DCUN1D5: variants seen among roughly 807,000 people sequenced by gnomAD.
DCUN1D5 encodes DCN1-like protein 5.
Under a neutral mutation model 38.3 loss-of-function variants are expected in DCUN1D5, and 10 were observed. The observed-to-expected ratio is 0.26, with a 90% CI of 0.16 to 0.44. DCUN1D5 has a LOEUF of 0.44. DCUN1D5 is among the 20% of genes least tolerant of loss of function. The probability of loss-of-function intolerance (pLI) is 1.00; values close to 1 mark genes in which losing one functional copy is unlikely to be tolerated. For missense variants in DCUN1D5, 148 were observed against 275.3 expected (o/e 0.54, Z 3.27); for synonymous variants, 93 against 90.9 (o/e 1.02, Z -0.13).
In DCUN1D5 at chr11:103,083,028, AAC is replaced by A. The variant is rs1478640010; in HGVS notation, c.250-191_250-190del. On this transcript the variant is annotated intron_variant, in intron 3 of 7. Transcript: ENST00000260247. The surrounding 1 kb of genome is among the most constrained non-coding windows in gnomAD (Gnocchi z 4.4). ...CAATTTCTTAAAAGTAAAAAGTTCT[AAC>A]AGTTTCTGAAGGTAGAATCTCTTAT... Among the ~76,000 whole-genome samples, 2 of 152,058 alleles carry A rather than the reference AAC, an allele frequency of 1.3e-5. No homozygotes were observed. The highest frequency in any genetic ancestry group is 2.4e-5 in the African/African-American group (1 of 41,460).
In DCUN1D5 at chr11:103,062,455, T is replaced by G; in HGVS notation, c.659-41A>C. The stretch of plus-strand genomic sequence containing the variant: ...CCATTTTTGTCAGAATTCAGTGAAC[T>G]CATCTCTCCAATTATAAAACAAACT... On this transcript the variant is annotated intron_variant, in intron 7 of 7. Coordinates refer to ENST00000260247, the MANE Select transcript of DCUN1D5 (RefSeq NM_032299.4). This position sits in a 1 kb window ranked among gnomAD's most constrained non-coding sequence, Gnocchi z 4.6. The G allele has an allele frequency of 6.4e-7, 1 of 1,564,078 alleles. No homozygotes were observed. Among genetic ancestry groups the G allele is most frequent in the Non-Finnish European group, 8.8e-7 (1 of 1,138,956 alleles).
rs1484105963 is a variant in DCUN1D5 at position 103,065,575 on chromosome 11, G to T, written c.555+694C>A. Among the ~76,000 whole-genome samples the T allele has an allele frequency of 6.6e-6, 1 of 151,726 alleles. No homozygotes were observed. Among genetic ancestry groups the T allele is most frequent in the Non-Finnish European group, 1.5e-5 (1 of 67,960 alleles). ...AAAGCATCTGTATTCAAGATATGGT[G>T]AGAACTATACCAATAACCCTAGAAT... is the stretch of plus-strand genomic sequence containing the variant. On this transcript the variant is annotated intron_variant, in intron 6 of 7. Coordinates refer to ENST00000260247, the MANE Select transcript of DCUN1D5 (RefSeq NM_032299.4). The surrounding 1 kb of genome is among the most constrained non-coding windows in gnomAD (Gnocchi z 4.6).
chr11:103,083,619 A>G lies in DCUN1D5; in HGVS notation c.179-293T>C, dbSNP rs974335301. On this transcript the variant is annotated intron_variant, in intron 2 of 7. Transcript: ENST00000260247. The surrounding 1 kb of genome is among the most constrained non-coding windows in gnomAD (Gnocchi z 4.4). ...GTACAAAAACTCAAACCAATCCATT[A>G]AAAAAAAAATTCACTGAGAGCCTAC... Among the ~76,000 whole-genome samples the G allele has an allele frequency of 3.4e-5, 5 of 149,010 alleles. No homozygotes were observed. Among genetic ancestry groups the G allele is most frequent in the Non-Finnish European group, 6.0e-5 (4 of 67,006 alleles).
chr11:103,079,423 T>G (rs1862495893), intron 4 of DCUN1D5, among the ~76,000 whole-genome samples: 1 of 152,182 alleles, frequency 6.6e-6, no homozygotes, highest in Non-Finnish European at 1.5e-5. Flanking sequence ...CTAATATAAA[T>G]ATCTACAAAA....
In DCUN1D5 at chr11:103,078,197, T is replaced by C. The variant is rs115330226; in HGVS notation, c.341+4551A>G. Among the ~76,000 whole-genome samples, 697 of 152,320 alleles carry C rather than the reference T, an allele frequency of 4.6e-3. 5 individuals carry two copies. The highest frequency in any genetic ancestry group is 0.016 in the African/African-American group (647 of 41,576). ...TCTTGTCTTGTCCTTTTCATTATCATAATCAAGTACGGTCCTCTTCAAAGG... is the reference window on the plus strand; with the variant it reads ...TCTTGTCTTGTCCTTTTCATTATCACAATCAAGTACGGTCCTCTTCAAAGG... On this transcript the variant is annotated intron_variant, in intron 4 of 7. Transcript: ENST00000260247. The surrounding 1 kb of genome is among the most constrained non-coding windows in gnomAD (Gnocchi z 4.6).
Position 103,054,235 on chromosome 11 carries a change from T to A in DCUN1D5, c.*8124A>T, listed in dbSNP as rs895507974. 1.3e-5 allele frequency: 2 copies of A among 152,046 alleles called. No individual in the cohort carries two copies. The highest frequency in any genetic ancestry group is 2.4e-5 in the African/African-American group (1 of 41,414). 9.4% of individuals were successfully genotyped at this position (152,046 alleles called of 1,614,324 possible). A position where few individuals can be genotyped will look rare whatever the true frequency, so the allele number is the denominator to read the frequency against. ...GCTGCCAATAACTGCTCTTGAGGAATGGGGTTAAAGTCTGCTTGAAGAAGT... is the reference window on the plus strand; with the variant it reads ...GCTGCCAATAACTGCTCTTGAGGAAAGGGGTTAAAGTCTGCTTGAAGAAGT... On this transcript the variant is annotated 3_prime_UTR_variant, in exon 8 of 8. Transcript: ENST00000260247.
rs926252484 is a variant in DCUN1D5, at chr11:103,050,690, A to T, written c.*11669T>A. On this transcript the variant is annotated 3_prime_UTR_variant, in exon 8 of 8. Coordinates refer to ENST00000260247, the MANE Select transcript of DCUN1D5 (RefSeq NM_032299.4). ...TACACAAAAGATTACTGGACATCTTATACAAGTGAAATCATTTATTTATCT... is the reference window on the plus strand; with the variant it reads ...TACACAAAAGATTACTGGACATCTTTTACAAGTGAAATCATTTATTTATCT... 6.6e-6 allele frequency: 1 copy of T among 152,260 alleles called. No individual in the cohort carries two copies. 9.4% of individuals were successfully genotyped at this position (152,260 alleles called of 1,614,324 possible).
At position 103,066,897 on chromosome 11, in the gene DCUN1D5, C is replaced by A. The variant is rs528270883; in HGVS notation, c.342-330G>T. 1.3e-5 allele frequency among the ~76,000 whole-genome samples: 2 copies of A among 152,314 alleles called. No individual in the cohort carries two copies. The highest frequency in any genetic ancestry group is 3.9e-4 in the East Asian group (2 of 5,188). On this transcript the variant is annotated intron_variant, in intron 4 of 7. Coordinates refer to ENST00000260247, the MANE Select transcript of DCUN1D5 (RefSeq NM_032299.4). This position sits in a 1 kb window ranked among gnomAD's most constrained non-coding sequence, Gnocchi z 4.7. ...AGATGTATTAAAACATGTTTTATCA[C>A]ATATACAGCTAAAAATGGCAGAGCA... is the stretch of plus-strand genomic sequence containing the variant.
intron 4 of DCUN1D5, among the ~76,000 whole-genome samples, chr11:103,082,391 C>T (rs1862588149): frequency 6.6e-6 from 1 of 152,002 alleles, no homozygotes; most frequent in African/African-American, 2.4e-5. Context: ...CTTAGGGCTG[C>T]CCAACGAACA....
rs566438963 is a variant in DCUN1D5, at chr11:103,052,632, C to T, written c.*9727G>A. The T allele has an allele frequency of 6.6e-6, 1 of 152,144 alleles. No individual in the cohort carries two copies. The allele number at this position is 152,144 out of a possible 1,614,324, so 9.4% of individuals were successfully genotyped here. ...CTTCATTCTTGTATCTACTCCAAGT[C>T]TCTCTTGGTAGTTCTTACATATCAT... On this transcript the variant is annotated 3_prime_UTR_variant, in exon 8 of 8. Coordinates refer to ENST00000260247, the MANE Select transcript of DCUN1D5 (RefSeq NM_032299.4).
chr11:103,063,104 A>G lies in DCUN1D5; in HGVS notation c.659-690T>C, dbSNP rs751994779. Among the ~76,000 whole-genome samples, 1 of 152,126 alleles carries G rather than the reference A, an allele frequency of 6.6e-6. No individual in the cohort carries two copies. Among genetic ancestry groups the G allele is most frequent in the Non-Finnish European group, 1.5e-5 (1 of 67,970 alleles). On this transcript the variant is annotated intron_variant, in intron 7 of 7. Coordinates refer to ENST00000260247, the MANE Select transcript of DCUN1D5 (RefSeq NM_032299.4). The surrounding 1 kb of genome is among the most constrained non-coding windows in gnomAD (Gnocchi z 4.6). ...TCTTTTTCCATTGCTTTTGACAGAC[A>G]TGTTTCTCTATCGTAAGAAAAGCAG...
Position 103,062,280 on chromosome 11 carries a change from G to A in DCUN1D5, c.*79C>T. The A allele has an allele frequency of 1.5e-6, 2 of 1,373,458 alleles. No individual in the cohort carries two copies. The highest frequency in any genetic ancestry group is 1.2e-5 in the South Asian group (1 of 81,740). The allele number at this position is 1,373,458 out of a possible 1,614,324, so 85.1% of individuals were successfully genotyped here. On this transcript the variant is annotated 3_prime_UTR_variant, in exon 8 of 8. Transcript: ENST00000260247. This position sits in a 1 kb window ranked among gnomAD's most constrained non-coding sequence, Gnocchi z 4.6. ...TCATATGAATGAAAATGCACCCGTT[G>A]GATTTTTTTCCCCCTCATCACATTA...
chr11:103,051,506 C>CCCA lies in DCUN1D5; in HGVS notation c.*10852_*10853insTGG, dbSNP rs1861732707. Reference sequence around the variant, plus strand: ...GGTGGCTTCACATATTTACTTCCCCCCCCCCCCCGCCACCCCTGTGTTAAC... The same window carrying CCCA: ...GGTGGCTTCACATATTTACTTCCCCCCCACCCCCCCCGCCACCCCTGTGTTAAC... On this transcript the variant is annotated 3_prime_UTR_variant, in exon 8 of 8. Transcript: ENST00000260247. The CCCA allele has an allele frequency of 5.0e-5, 1 of 19,828 alleles. No homozygotes were observed. Among genetic ancestry groups the CCCA allele is most frequent in the Admixed American group, 5.1e-4 (1 of 1,978 alleles). The allele number at this position is 19,828 out of a possible 1,614,324, so 1.2% of individuals were successfully genotyped here.
intron 2 of DCUN1D5, among the ~76,000 whole-genome samples, chr11:103,088,352 A>G (rs1345506266): frequency 1.3e-5 from 2 of 152,226 alleles, no homozygotes; most frequent in Non-Finnish European, 2.9e-5. Flanking sequence ...GAAAAGAAAA[A>G]AGCTTTAAAA....
In DCUN1D5 at chr11:103,061,571, A is replaced by G. The variant is rs1044840306; in HGVS notation, c.*788T>C. On this transcript the variant is annotated 3_prime_UTR_variant, in exon 8 of 8. Coordinates refer to ENST00000260247, the MANE Select transcript of DCUN1D5 (RefSeq NM_032299.4). ...TCCTATGTGTATCTTAATTAAATCCATATCACAGCTAACGTTCTCTTAAGG... is the reference window on the plus strand; with the variant it reads ...TCCTATGTGTATCTTAATTAAATCCGTATCACAGCTAACGTTCTCTTAAGG... 1.3e-5 allele frequency among the ~76,000 whole-genome samples: 2 copies of G among 150,820 alleles called. No homozygotes were observed. Among genetic ancestry groups the G allele is most frequent in the African/African-American group, 2.4e-5 (1 of 40,876 alleles).
At chr11:103,067,856 T>A (rs925990248) in intron 4 of DCUN1D5, among the ~76,000 whole-genome samples, 20 of 152,278 alleles carry the variant, frequency 1.3e-4, no homozygotes, top group African/African-American at 4.8e-4. Flanking sequence ...CTAGTTTTTT[T>A]AACAAGATTG....
intron 4 of DCUN1D5, among the ~76,000 whole-genome samples, chr11:103,067,889 G>T (rs1243688917): frequency 6.6e-6 from 1 of 151,998 alleles, no homozygotes; most frequent in Non-Finnish European, 1.5e-5. Flanking sequence ...CTCAGAAAAT[G>T]AAAAGAGAAT....
intron 4 of DCUN1D5, among the ~76,000 whole-genome samples, chr11:103,081,883 TA>T (rs146833077): frequency 2.0e-5 from 3 of 151,642 alleles, no homozygotes; most frequent in Admixed American, 6.6e-5. Context: ...ACAAATACTT[TA>T]AAAAAAAATT....
At chr11:103,082,635 TCAAA>T in intron 4 of DCUN1D5, 109 bp downstream of exon 4, 1 of 724,046 alleles carries the variant, frequency 1.4e-6, no homozygotes, top group Non-Finnish European at 2.3e-6. Context: ...TTGTTATAGA[TCAAA>T]CAGATTTGAT....
Sources: gnomAD v4.1 joint callset for allele counts (sites outside exome capture counted in the v4.1 genomes callset) on GRCh38, gnomAD v4.1.1 for gene constraint, Gnocchi (gnomAD v3.1) non-coding constraint, MANE v1.5 for transcripts, NCBI Gene and HGNC (gene_info 2026-07-23, HGNC 2026-07-21) for gene names.